Variants in ZNF385B observed in about 807,000 individuals in gnomAD.
ZNF385B encodes the protein zinc finger protein 533.
A neutral mutation model predicts 39.2 loss-of-function variants in ZNF385B; 23 were observed. The ratio of observed to expected loss-of-function variants is 0.59; its 90% CI spans 0.42 to 0.83. The LOEUF (loss-of-function observed/expected upper bound fraction) is 0.83. Among genes scored for constraint, ZNF385B ranks in the 40% least tolerant of loss-of-function variants. ZNF385B has a pLI of 0.00. For synonymous variants in ZNF385B, 205 were observed against 222.6 expected, an observed-to-expected ratio of 0.92 and a Z score of 0.70; for missense variants, 552 against 598.9, an observed-to-expected ratio of 0.92 and a Z score of 0.82.
At chr2:179,689,814 T>TGC (rs1698214576) in intron 3 of ZNF385B, among the ~76,000 whole-genome samples, 1 of 133,036 alleles carries the variant, frequency 7.5e-6, no homozygotes, top group African/African-American at 2.9e-5. Context: ...TGTGTGTGTG[T>TGC]GTGTGTGTGT....
chr2:179,738,983 GT>G (rs1480895413), intron 3 of ZNF385B, among the ~76,000 whole-genome samples: 21 of 152,124 alleles, frequency 1.4e-4, no homozygotes, highest in African/African-American at 4.8e-4. Context: ...CAAAGACTTT[GT>G]TAAATATCTC....
At chr2:179,706,452 T>A (rs1028823398) in intron 3 of ZNF385B, among the ~76,000 whole-genome samples, 4 of 152,050 alleles carry the variant, frequency 2.6e-5, no homozygotes, top group African/African-American at 4.8e-5. Context: ...AACTAGGGCA[T>A]CAAAGAAAAT....
At chr2:179,761,068 TGTCTGG>T (rs1703354525) in intron 3 of ZNF385B, among the ~76,000 whole-genome samples, 1 of 151,922 alleles carries the variant, frequency 6.6e-6, no homozygotes, top group Non-Finnish European at 1.5e-5. Context: ...TGTGGATCTA[TGTCTGG>T]GTTCTCTAGT....
intron 1 of ZNF385B, among the ~76,000 whole-genome samples, chr2:179,798,643 A>G (rs1705833535): frequency 6.6e-6 from 1 of 152,046 alleles, no homozygotes; most frequent in Non-Finnish European, 1.5e-5. Flanking sequence ...AACCCCAATA[A>G]CACACTCACT....
At chr2:179,649,628 C>T (rs1002198561) in intron 3 of ZNF385B, among the ~76,000 whole-genome samples, 21 of 151,910 alleles carry the variant, frequency 1.4e-4, no homozygotes, top group Admixed American at 4.6e-4. Flanking sequence ...TATAAAGGTG[C>T]AGAATATATC....
chr2:179,850,979 T>A (rs13407401), intron 1 of ZNF385B, among the ~76,000 whole-genome samples: 37,952 of 152,206 alleles, frequency 0.25, 5,063 homozygotes, highest in Non-Finnish European at 0.29. Flanking sequence ...AAACTTGCCA[T>A]GTGACCAGTA....
At chr2:179,667,371 G>A (rs972103682) in intron 3 of ZNF385B, among the ~76,000 whole-genome samples, 1 of 152,112 alleles carries the variant, frequency 6.6e-6, no homozygotes, top group Non-Finnish European at 1.5e-5. Context: ...TGCATGTGCT[G>A]CAACTTTTAC....
At position 179,644,000 on chromosome 2, in the gene ZNF385B, G is replaced by A. The variant is rs148569474; in HGVS notation, c.299-99031C>T. Among the ~76,000 whole-genome samples the A allele has an allele frequency of 1.8e-3, 270 of 152,084 alleles. 3 individuals are homozygous for A. The highest frequency in any genetic ancestry group is 0.017 in the South Asian group (80 of 4,808). On this transcript the variant is annotated intron_variant, in intron 3 of 9. Coordinates refer to ENST00000410066, the MANE Select transcript of ZNF385B (RefSeq NM_152520.6). Reference sequence around the variant, plus strand: ...CTAAATCTGCTTAATTTGATTCTCTGAGAAGATTCTACTCTTACAAACAAA... The same window carrying A: ...CTAAATCTGCTTAATTTGATTCTCTAAGAAGATTCTACTCTTACAAACAAA...
At chr2:179,843,670 T>C (rs1158117889) in intron 1 of ZNF385B, among the ~76,000 whole-genome samples, 1 of 152,248 alleles carries the variant, frequency 6.6e-6, no homozygotes, top group African/African-American at 2.4e-5. Context: ...CATTGGTATA[T>C]GTGCCCTTCC....
intron 3 of ZNF385B, among the ~76,000 whole-genome samples, chr2:179,694,012 T>C (rs565847823): frequency 6.6e-6 from 1 of 152,176 alleles, no homozygotes; most frequent in Non-Finnish European, 1.5e-5. Context: ...AGCCTGAAAA[T>C]ACTAATACAA....
intron 3 of ZNF385B, among the ~76,000 whole-genome samples, chr2:179,729,659 C>T (rs1701257228): frequency 2.0e-5 from 3 of 152,140 alleles, no homozygotes; most frequent in Admixed American, 2.0e-4. Flanking sequence ...GATTAAATAC[C>T]ATATGATATG....
chr2:179,447,503 T>G (rs954488299), intron 6 of ZNF385B, among the ~76,000 whole-genome samples: 2 of 152,198 alleles, frequency 1.3e-5, no homozygotes, highest in Non-Finnish European at 2.9e-5. Context: ...TCAAGGCCCA[T>G]GTGCAGGCTA....
At chr2:179,772,960 C>A (rs886832871) in intron 1 of ZNF385B, among the ~76,000 whole-genome samples, 14 of 152,136 alleles carry the variant, frequency 9.2e-5, no homozygotes, top group African/African-American at 3.4e-4. Context: ...GAGAATAAGA[C>A]ATTTTAGTGC....
At chr2:179,657,777 G>A (rs1472096990) in intron 3 of ZNF385B, among the ~76,000 whole-genome samples, 3 of 152,188 alleles carry the variant, frequency 2.0e-5, no homozygotes, top group Non-Finnish European at 4.4e-5. Flanking sequence ...AAAGTATTAT[G>A]CTTGACACTT....
Position 179,644,270 on chromosome 2 carries a change from C to T in ZNF385B, c.299-99301G>A, listed in dbSNP as rs113982357. ...CGATGAAGGTAATGTTAGCAGTTCA[C>T]TTGCCTTGAATGATTGCTATCTTCA... On this transcript the variant is annotated intron_variant, in intron 3 of 9. Transcript: ENST00000410066. Among the ~76,000 whole-genome samples the T allele has an allele frequency of 4.4e-3, 664 of 152,270 alleles. 7 individuals are homozygous for T. The highest frequency in any genetic ancestry group is 0.014 in the African/African-American group (566 of 41,548).
intron 3 of ZNF385B, among the ~76,000 whole-genome samples, chr2:179,613,825 A>C (rs1258754162): frequency 6.6e-6 from 1 of 152,054 alleles, no homozygotes; most frequent in African/African-American, 2.4e-5. Flanking sequence ...ACTGCCTTTT[A>C]AGTTTATTTA....
chr2:179,601,521 G>T (rs1688408416), intron 3 of ZNF385B, among the ~76,000 whole-genome samples: 1 of 152,094 alleles, frequency 6.6e-6, no homozygotes, highest in Admixed American at 6.6e-5. Context: ...TATGTTGCTA[G>T]TTCTACTTTT....
At chr2:179,557,490 CAT>C (rs35444618) in intron 3 of ZNF385B, among the ~76,000 whole-genome samples, 9,972 of 149,566 alleles carry the variant, frequency 0.067, 471 homozygotes, top group Middle Eastern at 0.19. Context: ...ATATATAAAA[CAT>C]ATGTGTATAT....
intron 1 of ZNF385B, among the ~76,000 whole-genome samples, chr2:179,805,717 G>C (rs1706306843): frequency 6.6e-6 from 1 of 152,106 alleles, no homozygotes; most frequent in Non-Finnish European, 1.5e-5. Context: ...AAAAAACATA[G>C]AATGGTGCCT....
Sources: gnomAD v4.1 joint callset for allele counts (sites outside exome capture counted in the v4.1 genomes callset) on GRCh38, gnomAD v4.1.1 for gene constraint, MANE v1.5 for transcripts, NCBI Gene and HGNC (gene_info 2026-07-23, HGNC 2026-07-21) for gene names.